DACH2: variants seen among roughly 807,000 people sequenced by gnomAD.
The protein encoded by DACH2 is dachshund family transcription factor 2.
Under a neutral mutation model 35.8 loss-of-function variants are expected in DACH2, and 17 were observed. The observed-to-expected ratio is 0.48, with a 90% CI of 0.33 to 0.71. DACH2 has a LOEUF of 0.71. Ranked by LOEUF, DACH2 falls within the 30% of genes least tolerant of loss-of-function variation. DACH2 has a pLI of 0.02. For synonymous variants in DACH2, 195 were observed against 177.3 expected, an observed-to-expected ratio of 1.10 and a Z score of -0.79; for missense variants, 469 against 472.7, an observed-to-expected ratio of 0.99 and a Z score of 0.07.
chrX:86,697,549 T>C (rs1464167681), intron 5 of DACH2, among the ~76,000 whole-genome samples: 3 of 111,027 alleles, frequency 2.7e-5, no homozygotes, highest in African/African-American at 9.8e-5. Context: ...AATTCAGACA[T>C]AGCTGATATT....
intron 3 of DACH2, among the ~76,000 whole-genome samples, chrX:86,606,271 A>T (rs143810310): frequency 0.019 from 1,947 of 101,547 alleles, 13 homozygotes; most frequent in Non-Finnish European, 0.03. Context: ...ATGAGACATG[A>T]GACATTGTTA....
intron 2 of DACH2, among the ~76,000 whole-genome samples, chrX:86,444,791 T>A (rs2037231043): frequency 1.8e-5 from 2 of 111,621 alleles, no homozygotes; most frequent in Admixed American, 1.9e-4. Flanking sequence ...TATGATTTTT[T>A]AATTCTTTTT....
intron 7 of DACH2, among the ~76,000 whole-genome samples, chrX:86,783,016 C>T (rs1476382584): frequency 8.9e-6 from 1 of 111,782 alleles, no homozygotes; most frequent in Non-Finnish European, 1.9e-5. Flanking sequence ...AACTACCCAT[C>T]TGGCAAGGGA....
chrX:86,664,521 C>G (rs776081716), intron 4 of DACH2, among the ~76,000 whole-genome samples: 1 of 111,558 alleles, frequency 9.0e-6, no homozygotes, highest in Non-Finnish European at 1.9e-5. Context: ...CTTCATAATA[C>G]GTTTAAAAAC....
At chrX:86,254,801 T>TATATATA (rs2033479209) in intron 1 of DACH2, among the ~76,000 whole-genome samples, 6 of 67,447 alleles carry the variant, frequency 8.9e-5, no homozygotes, top group Non-Finnish European at 7.5e-5. Flanking sequence ...TATATATATA[T>TATATATA]ATATATAGAG....
chrX:86,419,661 C>G (rs1275846520), intron 2 of DACH2, among the ~76,000 whole-genome samples: 1 of 112,009 alleles, frequency 8.9e-6, no homozygotes, highest in East Asian at 2.8e-4. Flanking sequence ...AGGCTACTTT[C>G]TCATGGTTAG....
intron 4 of DACH2, among the ~76,000 whole-genome samples, chrX:86,682,651 A>G (rs2040893613): frequency 9.0e-6 from 1 of 111,614 alleles, no homozygotes. Context: ...CCATTTATGA[A>G]TCTCTTTGAT....
rs987657993 is a variant in DACH2, at chrX:86,713,378, T to G, written c.932-1170T>G. Among the ~76,000 whole-genome samples, 5 of 111,206 alleles carry G rather than the reference T, an allele frequency of 4.5e-5. No homozygotes were observed. The Admixed American group carries it at 4.8e-4, about 11-fold the overall frequency. On this transcript the variant is annotated intron_variant, in intron 5 of 11. Transcript: ENST00000373125. The stretch of plus-strand genomic sequence containing the variant: ...AGCTTTTTAATATACTTCCTATAGA[T>G]TCACTGATGTTCTTTTTCTGTTGTG...
intron 2 of DACH2, among the ~76,000 whole-genome samples, chrX:86,423,216 T>A (rs946831967): frequency 3.1e-4 from 35 of 111,156 alleles, no homozygotes; most frequent in African/African-American, 1.1e-3. Flanking sequence ...ATATGGTAGC[T>A]CAATCTGTAG....
intron 5 of DACH2, among the ~76,000 whole-genome samples, chrX:86,699,933 G>A (rs1410246514): frequency 9.0e-6 from 1 of 111,421 alleles, no homozygotes; most frequent in Non-Finnish European, 1.9e-5. Flanking sequence ...ATAATTTCTT[G>A]ATTTCTGCCT....
chrX:86,387,557 A>T (rs1019298546), intron 2 of DACH2, among the ~76,000 whole-genome samples: 1 of 111,821 alleles, frequency 8.9e-6, no homozygotes, highest in Non-Finnish European at 1.9e-5. Context: ...AATCCATAAA[A>T]TGAACCTAGG....
intron 1 of DACH2, among the ~76,000 whole-genome samples, chrX:86,232,904 C>A (rs2032980588): frequency 8.9e-6 from 1 of 111,985 alleles, no homozygotes; most frequent in African/African-American, 3.3e-5. Flanking sequence ...ATGTTCATTG[C>A]AGAACTTTTT....
At chrX:86,221,925 C>T (rs1158850216) in intron 1 of DACH2, among the ~76,000 whole-genome samples, 6 of 112,257 alleles carry the variant, frequency 5.3e-5, no homozygotes, top group South Asian at 3.7e-4. Flanking sequence ...TATCCTCACA[C>T]GGCTTTTCCT....
chrX:86,308,456 T>C (rs1192573441), intron 1 of DACH2, among the ~76,000 whole-genome samples: 1 of 112,158 alleles, frequency 8.9e-6, no homozygotes, highest in African/African-American at 3.2e-5. Flanking sequence ...GAAGTGAAAT[T>C]GATGGGAAGC....
At chrX:86,502,488 T>C (rs1424077519) in intron 2 of DACH2, among the ~76,000 whole-genome samples, 2 of 112,346 alleles carry the variant, frequency 1.8e-5, no homozygotes, top group Admixed American at 1.9e-4. Context: ...ACAATCAACA[T>C]ATTTTTTTCT....
chrX:86,305,411 GA>G (rs893880552), intron 1 of DACH2, among the ~76,000 whole-genome samples: 3 of 109,135 alleles, frequency 2.7e-5, no homozygotes, highest in East Asian at 2.9e-4. Context: ...TTCTTGCCTA[GA>G]AAAAAAAATA....
chrX:86,345,653 T>A (rs2035483734), intron 1 of DACH2, among the ~76,000 whole-genome samples: 1 of 112,258 alleles, frequency 8.9e-6, no homozygotes, highest in East Asian at 2.8e-4. Flanking sequence ...TTTATCAAAT[T>A]TTTTAGTAAA....
intron 1 of DACH2, among the ~76,000 whole-genome samples, chrX:86,281,536 C>T (rs1231013186): frequency 6.3e-5 from 7 of 111,569 alleles, no homozygotes; most frequent in Non-Finnish European, 1.1e-4. Context: ...AAACCCACAG[C>T]CAGTATCGTA....
At chrX:86,635,978 G>A (rs1473083337) in intron 3 of DACH2, among the ~76,000 whole-genome samples, 2 of 111,862 alleles carry the variant, frequency 1.8e-5, no homozygotes, top group Admixed American at 9.5e-5. Flanking sequence ...TAGATTCAGT[G>A]CTATTCCTAT....
Sources: gnomAD v4.1 joint callset for allele counts (sites outside exome capture counted in the v4.1 genomes callset) on GRCh38, gnomAD v4.1.1 for gene constraint, MANE v1.5 for transcripts, NCBI Gene and HGNC (gene_info 2026-07-23, HGNC 2026-07-21) for gene names.